The following PALD1 variants were observed in gnomAD, a reference collection of about 807,000 sequenced individuals.
PALD1 encodes the protein phosphatase domain containing paladin 1.
A neutral mutation model predicts 96.0 loss-of-function variants in PALD1; 57 were observed. The observed-to-expected ratio is 0.59, with a 90% CI of 0.48 to 0.74. The LOEUF (loss-of-function observed/expected upper bound fraction) is 0.74, where lower values mean the gene tolerates loss of function less well. Among genes scored for constraint, PALD1 ranks in the 30% least tolerant of loss-of-function variants. The probability of loss-of-function intolerance (pLI) is 0.00; values close to 1 mark genes in which losing one functional copy is unlikely to be tolerated. For missense variants in PALD1, 1,063 were observed against 1,143.7 expected, an observed-to-expected ratio of 0.93 and a Z score of 1.02; for synonymous variants, 464 against 473.6, an observed-to-expected ratio of 0.98 and a Z score of 0.26.
At chr10:70,475,707 A>G (rs115547881), upstream of PALD1, among the ~76,000 whole-genome samples, 289 of 152,218 alleles carry the variant, frequency 1.9e-3, 3 homozygotes, top group African/African-American at 6.6e-3. Flanking sequence ...TGTTCCCTGG[A>G]GGGAATCTGG....
chr10:70,481,386 G>A (rs1197951186), intron 1 of PALD1, among the ~76,000 whole-genome samples: 1 of 152,182 alleles, frequency 6.6e-6, no homozygotes, highest in African/African-American at 2.4e-5. Flanking sequence ...GGTGCTCTGT[G>A]GTGGAGCTTA....
intron 1 of PALD1, among the ~76,000 whole-genome samples, chr10:70,484,085 C>A (rs1487164705): frequency 6.6e-6 from 1 of 151,966 alleles, no homozygotes; most frequent in Non-Finnish European, 1.5e-5. Flanking sequence ...TCACTGCAAC[C>A]TCTGCGTCCC....
rs777601994 is a variant in PALD1 at position 70,539,256 on chromosome 10, C to T, written c.1725+9C>T. ...CTCCTGACCAGCTGGAGGTGAGGCC[C>T]CCTGCCCTCTAGGCACCCCTGCCTC... On this transcript the variant is annotated intron_variant, in intron 14 of 19. Coordinates refer to ENST00000263563, the MANE Select transcript of PALD1 (RefSeq NM_014431.3). This position sits in a 1 kb window ranked among gnomAD's most constrained non-coding sequence, Gnocchi z 4.5. 5 of 1,602,686 alleles carry T rather than the reference C, an allele frequency of 3.1e-6. No homozygotes were observed. Among genetic ancestry groups the T allele is most frequent in the Admixed American group, 3.4e-5 (2 of 58,850 alleles).
At chr10:70,541,967 C>G (rs1394910383) in intron 17 of PALD1, among the ~76,000 whole-genome samples, 3 of 152,224 alleles carry the variant, frequency 2.0e-5, no homozygotes, top group African/African-American at 7.2e-5. Flanking sequence ...ACAAACATTC[C>G]AGATTTAGTC....
chr10:70,503,154 A>G (rs1846329199), intron 1 of PALD1, among the ~76,000 whole-genome samples: 1 of 152,118 alleles, frequency 6.6e-6, no homozygotes, highest in African/African-American at 2.4e-5. Context: ...TGCTGGGATT[A>G]TAGGGGTGAA....
rs556162416 is a variant in PALD1 at position 70,540,237 on chromosome 10, G to A, written c.1908+475G>A. 4.6e-5 allele frequency among the ~76,000 whole-genome samples: 7 copies of A among 151,522 alleles called. No homozygotes were observed. Among genetic ancestry groups the A allele is most frequent in the Non-Finnish European group, 8.8e-5 (6 of 67,846 alleles). ...CATGTCCAGGGTGTCCGTGGTGTGT[G>A]TGTCTCAGTTGGGGGACTGTGTATG... On this transcript the variant is annotated intron_variant, in intron 15 of 19. Coordinates refer to ENST00000263563, the MANE Select transcript of PALD1 (RefSeq NM_014431.3). This position sits in a 1 kb window ranked among gnomAD's most constrained non-coding sequence, Gnocchi z 4.2.
At chr10:70,515,213 G>A (rs1294371731) in intron 1 of PALD1, among the ~76,000 whole-genome samples, 2 of 152,176 alleles carry the variant, frequency 1.3e-5, no homozygotes, top group African/African-American at 4.8e-5. Flanking sequence ...AAGCTGGTGG[G>A]GGCAGAGGGT....
At chr10:70,563,859 G>A (rs1024309567) in intron 18 of PALD1, among the ~76,000 whole-genome samples, 12 of 152,322 alleles carry the variant, frequency 7.9e-5, no homozygotes, top group African/African-American at 1.4e-4. Flanking sequence ...TGCCATCGGC[G>A]CCTCCCAGGC....
intron 1 of PALD1, among the ~76,000 whole-genome samples, chr10:70,489,983 C>T (rs1285940414): frequency 6.6e-6 from 1 of 151,408 alleles, no homozygotes; most frequent in African/African-American, 2.4e-5. Context: ...AGTATAGTGG[C>T]GTGATCTCGG....
upstream of PALD1, among the ~76,000 whole-genome samples, chr10:70,477,879 C>T (rs1845850347): frequency 6.7e-6 from 1 of 149,102 alleles, no homozygotes; most frequent in Non-Finnish European, 1.5e-5. Context: ...GGAAGTGACT[C>T]ACCAACCACA....
chr10:70,489,529 C>T (rs2083116128), intron 1 of PALD1, among the ~76,000 whole-genome samples: 1 of 152,094 alleles, frequency 6.6e-6, no homozygotes, highest in East Asian at 1.9e-4. Context: ...GACTTGGGGT[C>T]TCATCCTGGG....
chr10:70,542,437 T>C (rs945580195), intron 17 of PALD1, among the ~76,000 whole-genome samples: 4 of 152,202 alleles, frequency 2.6e-5, no homozygotes, highest in Non-Finnish European at 4.4e-5. Flanking sequence ...TCAGTAATGA[T>C]TCCCCATCCT....
At chr10:70,479,626 G>A (rs767474413) in intron 1 of PALD1, among the ~76,000 whole-genome samples, 1 of 152,224 alleles carries the variant, frequency 6.6e-6, no homozygotes, top group Non-Finnish European at 1.5e-5. Context: ...CAGAGAGAGA[G>A]TGGCCTATGG....
chr10:70,488,912 C>A lies in PALD1; in HGVS notation c.-30+9853C>A, dbSNP rs1341238207. On this transcript the variant is annotated intron_variant, in intron 1 of 19. Transcript: ENST00000263563. Reference sequence around the variant, plus strand: ...TCTGGGTGGATGTATCCTCCTGCTGCTGGGGGTCTGGGTGGATGTATCCTC... The same window carrying A: ...TCTGGGTGGATGTATCCTCCTGCTGATGGGGGTCTGGGTGGATGTATCCTC... Among the ~76,000 whole-genome samples, 3 of 151,266 alleles carry A rather than the reference C, an allele frequency of 2.0e-5. No individual in the cohort carries two copies. The East Asian group carries it at 5.9e-4, about 30-fold the overall frequency.
At chr10:70,527,577 G>C (rs1846894808) in intron 2 of PALD1, among the ~76,000 whole-genome samples, 1 of 152,246 alleles carries the variant, frequency 6.6e-6, no homozygotes, top group African/African-American at 2.4e-5. Flanking sequence ...CACAAAGCAA[G>C]TATTTACTGT....
At position 70,551,081 on chromosome 10, in the gene PALD1, G is replaced by A. The variant is rs575668201; in HGVS notation, c.2262+3635G>A. Among the ~76,000 whole-genome samples, 7 of 152,238 alleles carry A rather than the reference G, an allele frequency of 4.6e-5. No individual in the cohort carries two copies. In the East Asian group the frequency reaches 5.8e-4, roughly 13 times the overall value. ...TGGCTGAGTGGGGATGAGAGGCAAC[G>A]ATCTTCACTCCCAGCCCACGCTCCT... On this transcript the variant is annotated intron_variant, in intron 18 of 19. Coordinates refer to ENST00000263563, the MANE Select transcript of PALD1 (RefSeq NM_014431.3).
At chr10:70,564,268 C>T in intron 18 of PALD1, 96 bp from the exon 19 acceptor site, 1 of 1,308,586 alleles carries the variant, frequency 7.6e-7, no homozygotes, top group Non-Finnish European at 1.0e-6. Flanking sequence ...GAGGCTGGAT[C>T]ACCCTGCCCT....
At chr10:70,507,403 ACT>A (rs1564689896) in intron 1 of PALD1, among the ~76,000 whole-genome samples, 2 of 152,076 alleles carry the variant, frequency 1.3e-5, no homozygotes, top group Admixed American at 6.6e-5. Context: ...CAAGAGCGAA[ACT>A]CTGTCTCAAA....
At chr10:70,523,765 G>A (rs922513295) in intron 1 of PALD1, among the ~76,000 whole-genome samples, 4 of 152,158 alleles carry the variant, frequency 2.6e-5, no homozygotes, top group African/African-American at 9.7e-5. Context: ...GAGTGGGGTT[G>A]GGGGTGGGAG....
Sources: gnomAD v4.1 joint callset for allele counts (sites outside exome capture counted in the v4.1 genomes callset) on GRCh38, gnomAD v4.1.1 for gene constraint, Gnocchi (gnomAD v3.1) non-coding constraint, MANE v1.5 for transcripts, NCBI Gene and HGNC (gene_info 2026-07-23, HGNC 2026-07-21) for gene names.